The following MED12L variants were observed in gnomAD, a reference collection of about 807,000 sequenced individuals.
MED12L encodes the protein mediator of RNA polymerase II transcription subunit 12-like protein.
A neutral mutation model predicts 281.3 loss-of-function variants in MED12L; 60 were observed. The observed-to-expected ratio is 0.21, with a 90% CI of 0.17 to 0.26. The LOEUF is 0.26. Among genes scored for constraint, MED12L ranks in the 10% least tolerant of loss-of-function variants. The probability of loss-of-function intolerance (pLI) is 1.00; values close to 1 mark genes in which losing one functional copy is unlikely to be tolerated. For missense variants in MED12L, 2,146 were observed against 2,680.9 expected, an observed-to-expected ratio of 0.80 and a Z score of 4.41; for synonymous variants, 974 against 987.2, an observed-to-expected ratio of 0.99 and a Z score of 0.25.
At chr3:151,170,131 C>G (rs527793414) in intron 11 of MED12L, among the ~76,000 whole-genome samples, 1 of 152,110 alleles carries the variant, frequency 6.6e-6, no homozygotes, top group Non-Finnish European at 1.5e-5. Flanking sequence ...TGAAGGCATC[C>G]GAGGCCTGGG....
intron 5 of MED12L, among the ~76,000 whole-genome samples, chr3:151,136,766 A>C (rs1008873138): frequency 1.3e-5 from 2 of 152,286 alleles, no homozygotes; most frequent in Non-Finnish European, 2.9e-5. Flanking sequence ...TTTCTAAAAA[A>C]GGCAGAATAA....
intron 16 of MED12L, among the ~76,000 whole-genome samples, chr3:151,286,317 A>G (rs1743500387): frequency 6.6e-6 from 1 of 152,250 alleles, no homozygotes; most frequent in South Asian, 2.1e-4. Flanking sequence ...AGTATTAGGA[A>G]AGATTTGTGA....
rs1258787022 is a variant in MED12L at position 151,380,240 on chromosome 3, A to C, written c.4590+16A>C. The C allele has an allele frequency of 6.9e-7, 1 of 1,459,476 alleles. No individual in the cohort carries two copies. Among genetic ancestry groups the C allele is most frequent in the African/African-American group, 1.4e-5 (1 of 69,902 alleles). 90.4% of individuals were successfully genotyped at this position (1,459,476 alleles called of 1,614,324 possible). ...AGTTAACCAGGTAAAGTATAGTATA[A>C]TATTAAGACAGGCAAATATCTTTCT... On this transcript the variant is annotated intron_variant, in intron 32 of 44. Transcript: ENST00000687756.
chr3:151,373,337 G>C (rs894440766), intron 27 of MED12L, among the ~76,000 whole-genome samples: 2 of 152,148 alleles, frequency 1.3e-5, no homozygotes, highest in Non-Finnish European at 2.9e-5. Context: ...CAAGGGTGAT[G>C]TTAATTTTGA....
intron 2 of MED12L, among the ~76,000 whole-genome samples, chr3:151,103,948 C>G (rs1721693295): frequency 6.6e-6 from 1 of 152,168 alleles, no homozygotes; most frequent in African/African-American, 2.4e-5. Flanking sequence ...AGCCACTTGT[C>G]TGTTATGAGG....
At chr3:151,367,887 A>T in intron 24 of MED12L, 121 bp downstream of exon 24, 1 of 1,129,374 alleles carries the variant, frequency 8.9e-7, no homozygotes, top group Non-Finnish European at 1.3e-6. Context: ...GTGGTGTAGT[A>T]TCAAGGTAGA....
intron 16 of MED12L, chr3:151,199,385 A>G (rs1203500334): frequency 1.9e-6 from 3 of 1,599,908 alleles, no homozygotes; most frequent in Non-Finnish European, 2.6e-6. Context: ...ACTGTTTGTC[A>G]TCTTGAGGGA....
intron 40 of MED12L, among the ~76,000 whole-genome samples, chr3:151,411,058 T>C (rs1357998174): frequency 6.6e-6 from 1 of 152,130 alleles, no homozygotes; most frequent in Non-Finnish European, 1.5e-5. Flanking sequence ...AAGTTGACAT[T>C]TCTGGTGAGT....
intron 16 of MED12L, among the ~76,000 whole-genome samples, chr3:151,319,084 C>T (rs1366448325): frequency 2.0e-5 from 3 of 152,172 alleles, no homozygotes; most frequent in Middle Eastern, 3.4e-3. Context: ...AGCCTTTATG[C>T]GTTAGTCTTA....
intron 16 of MED12L, among the ~76,000 whole-genome samples, chr3:151,243,510 G>A (rs191726650): frequency 5.3e-5 from 8 of 152,064 alleles, no homozygotes; most frequent in Admixed American, 2.0e-4. Context: ...CATATCCAGC[G>A]AAACTAAGCT....
chr3:151,179,668 G>A (rs1722484481), intron 11 of MED12L, among the ~76,000 whole-genome samples: 2 of 152,186 alleles, frequency 1.3e-5, no homozygotes, highest in Admixed American at 1.3e-4. Context: ...TCTTGGATAG[G>A]ACTTGGGATT....
At chr3:151,157,172 A>G (rs1337380868) in intron 6 of MED12L, among the ~76,000 whole-genome samples, 1 of 152,192 alleles carries the variant, frequency 6.6e-6, no homozygotes. Flanking sequence ...CATCTTGGAA[A>G]AAGTATCTCT....
At chr3:151,359,039 C>T (rs751149822) in intron 20 of MED12L, among the ~76,000 whole-genome samples, 15 of 152,080 alleles carry the variant, frequency 9.9e-5, no homozygotes, top group Non-Finnish European at 1.8e-4. Flanking sequence ...AGGAAGTGAG[C>T]ATAGTACTCA....
chr3:151,221,233 A>T (rs943933723), intron 16 of MED12L, among the ~76,000 whole-genome samples: 1 of 152,184 alleles, frequency 6.6e-6, no homozygotes, highest in Non-Finnish European at 1.5e-5. Context: ...GTGCTGTTAA[A>T]AGCATTCAGT....
At chr3:151,166,298 G>C (rs958709635) in intron 11 of MED12L, among the ~76,000 whole-genome samples, 4 of 152,112 alleles carry the variant, frequency 2.6e-5, no homozygotes, top group African/African-American at 9.7e-5. Context: ...TGGTGGGTTG[G>C]CTTTAACTTG....
chr3:151,291,958 A>G (rs980688124), intron 16 of MED12L, among the ~76,000 whole-genome samples: 1 of 152,220 alleles, frequency 6.6e-6, no homozygotes, highest in African/African-American at 2.4e-5. Context: ...TAAAGCTACT[A>G]TCACATTAAA....
intron 11 of MED12L, among the ~76,000 whole-genome samples, chr3:151,170,691 T>G (rs1488059819): frequency 6.6e-6 from 1 of 152,204 alleles, no homozygotes; most frequent in Non-Finnish European, 1.5e-5. Context: ...AAAATAAAAA[T>G]CTCAAAAACC....
chr3:151,128,511 AGCCACAGT>A (rs1714883889), intron 5 of MED12L, among the ~76,000 whole-genome samples: 1 of 148,576 alleles, frequency 6.7e-6, no homozygotes, highest in Non-Finnish European at 1.5e-5. Flanking sequence ...GTGATGTTCC[AGCCACAGT>A]GCCTTCCTTC....
intron 16 of MED12L, chr3:151,203,246 T>A (rs1725892695): frequency 6.6e-6 from 1 of 152,216 alleles, no homozygotes; most frequent in African/African-American, 2.4e-5. Flanking sequence ...TGTGTGGTTT[T>A]AAAATGTTGC....
Sources: allele counts gnomAD v4.1 joint callset (sites outside exome capture counted in the v4.1 genomes callset), GRCh38; gene constraint gnomAD v4.1.1; transcripts MANE v1.5; gene names NCBI Gene and HGNC (gene_info 2026-07-23, HGNC 2026-07-21).